The following IL1RAPL1 variants were observed in gnomAD, a reference collection of about 807,000 sequenced individuals.
IL1RAPL1 encodes the protein interleukin-1 receptor accessory protein-like 1.
In IL1RAPL1, 3 loss-of-function variants were observed where a neutral mutation model predicts 48.4. The observed-to-expected ratio is 0.06, with a 90% CI of 0.03 to 0.16. The LOEUF (loss-of-function observed/expected upper bound fraction) is 0.16. Among genes scored for constraint, IL1RAPL1 ranks in the 10% least tolerant of loss-of-function variants. IL1RAPL1 has a pLI of 1.00. For missense variants in IL1RAPL1, 349 were observed against 530.6 expected, an observed-to-expected ratio of 0.66 and a Z score of 3.36; for synonymous variants, 185 against 187.7, an observed-to-expected ratio of 0.99 and a Z score of 0.12.
At chrX:29,201,754 C>T (rs59861406) in intron 2 of IL1RAPL1, among the ~76,000 whole-genome samples, 1,272 of 109,073 alleles carry the variant, frequency 0.012, 22 homozygotes, top group African/African-American at 0.04. Context: ...TGCAATGGCA[C>T]GCTCTCGGCT....
intron 1 of IL1RAPL1, among the ~76,000 whole-genome samples, chrX:28,600,595 G>C (rs1392796598): frequency 1.8e-5 from 2 of 110,834 alleles, no homozygotes; most frequent in Non-Finnish European, 3.8e-5. Context: ...AATTGTTTGG[G>C]TTGTACAGGA....
At chrX:29,780,467 C>T (rs1190088019) in intron 6 of IL1RAPL1, among the ~76,000 whole-genome samples, 3 of 111,062 alleles carry the variant, frequency 2.7e-5, no homozygotes, top group Non-Finnish European at 3.8e-5. Flanking sequence ...TTTCATGAGG[C>T]GCAGAATTCA....
chrX:29,546,575 T>C (rs1454340554), intron 5 of IL1RAPL1, among the ~76,000 whole-genome samples: 1 of 111,859 alleles, frequency 8.9e-6, no homozygotes, highest in East Asian at 2.8e-4. Flanking sequence ...TTTCAAAATG[T>C]CTACAGAAGA....
intron 5 of IL1RAPL1, among the ~76,000 whole-genome samples, chrX:29,591,130 T>C (rs958874278): frequency 9.0e-6 from 1 of 111,677 alleles, no homozygotes; most frequent in African/African-American, 3.3e-5. Context: ...GAAGTGTTAG[T>C]ACCATCCTGT....
intron 5 of IL1RAPL1, among the ~76,000 whole-genome samples, chrX:29,645,635 G>C (rs1244483747): frequency 1.8e-5 from 2 of 111,732 alleles, no homozygotes; most frequent in Non-Finnish European, 3.8e-5. Flanking sequence ...ATTGTGGCCA[G>C]CTGACTACAG....
At chrX:29,749,754 T>C (rs752228344) in intron 6 of IL1RAPL1, among the ~76,000 whole-genome samples, 1 of 112,239 alleles carries the variant, frequency 8.9e-6, no homozygotes, top group Non-Finnish European at 1.9e-5. Flanking sequence ...GAAAACATCA[T>C]GTGCTAATAT....
At chrX:29,203,467 A>G (rs1280877025) in intron 2 of IL1RAPL1, among the ~76,000 whole-genome samples, 1 of 110,182 alleles carries the variant, frequency 9.1e-6, no homozygotes, top group Non-Finnish European at 1.9e-5. Flanking sequence ...GGCAGGGCCC[A>G]GTGCCTCATG....
At chrX:29,288,869 T>C (rs1372008199) in intron 3 of IL1RAPL1, among the ~76,000 whole-genome samples, 4 of 112,269 alleles carry the variant, frequency 3.6e-5, no homozygotes, top group African/African-American at 1.3e-4. Flanking sequence ...TGGCGTGAGA[T>C]GGTACCTCAT....
chrX:29,054,740 C>G (rs1465325510), intron 2 of IL1RAPL1, among the ~76,000 whole-genome samples: 2 of 112,253 alleles, frequency 1.8e-5, no homozygotes, highest in Non-Finnish European at 3.8e-5. Context: ...CTGGAGCCAT[C>G]TCAGCCTAGT....
chrX:29,908,075 C>G (rs1932678568), intron 6 of IL1RAPL1, among the ~76,000 whole-genome samples: 1 of 110,658 alleles, frequency 9.0e-6, no homozygotes, highest in Non-Finnish European at 1.9e-5. Context: ...AAATTTATTG[C>G]TACAAATCAT....
In IL1RAPL1 at chrX:29,155,156, C is replaced by T. The variant is rs890198743; in HGVS notation, c.83-127782C>T. 4.5e-5 allele frequency among the ~76,000 whole-genome samples: 5 copies of T among 110,212 alleles called. No homozygotes were observed. The East Asian group carries it at 8.6e-4, about 19-fold the overall frequency. On this transcript the variant is annotated intron_variant, in intron 2 of 10. Transcript: ENST00000378993. Reference sequence around the variant, plus strand: ...CCAAGTAGCTGGGATTACAGGCACACGCCACCACATGCCACCACGCCTGGC... The same window carrying T: ...CCAAGTAGCTGGGATTACAGGCACATGCCACCACATGCCACCACGCCTGGC...
intron 2 of IL1RAPL1, among the ~76,000 whole-genome samples, chrX:29,169,302 T>C (rs1045078629): frequency 9.0e-6 from 1 of 110,583 alleles, no homozygotes; most frequent in Non-Finnish European, 1.9e-5. Flanking sequence ...GTAAATTCTT[T>C]AGGCATTGCC....
intron 5 of IL1RAPL1, among the ~76,000 whole-genome samples, chrX:29,655,106 G>A (rs1198334159): frequency 9.0e-6 from 1 of 111,260 alleles, no homozygotes; most frequent in Non-Finnish European, 1.9e-5. Context: ...TTCTACTTAT[G>A]AGAGCCAATA....
chrX:29,580,403 C>G (rs1334667499), intron 5 of IL1RAPL1, among the ~76,000 whole-genome samples: 1 of 111,650 alleles, frequency 9.0e-6, no homozygotes, highest in Non-Finnish European at 1.9e-5. Context: ...ACATGGATAG[C>G]TAGCTCTACT....
intron 9 of IL1RAPL1, among the ~76,000 whole-genome samples, chrX:29,946,452 GT>G (rs1191229079): frequency 8.9e-6 from 1 of 111,997 alleles, no homozygotes; most frequent in Non-Finnish European, 1.9e-5. Flanking sequence ...ATTCTCTGAG[GT>G]TTTTGGGGAA....
chrX:28,908,766 A>T (rs1923284488), intron 2 of IL1RAPL1, among the ~76,000 whole-genome samples: 1 of 111,920 alleles, frequency 8.9e-6, no homozygotes, highest in East Asian at 2.8e-4. Context: ...TACTTGATCT[A>T]TCAGTTACTG....
At chrX:29,857,320 G>A (rs1931495108) in intron 6 of IL1RAPL1, among the ~76,000 whole-genome samples, 2 of 110,886 alleles carry the variant, frequency 1.8e-5, no homozygotes, top group African/African-American at 6.6e-5. Flanking sequence ...ATTTCAAATA[G>A]TGCAAGAGGA....
At chrX:29,777,914 T>C (rs1166091679) in intron 6 of IL1RAPL1, among the ~76,000 whole-genome samples, 2 of 110,492 alleles carry the variant, frequency 1.8e-5, no homozygotes, top group East Asian at 5.7e-4. Context: ...TTAGAGGGAT[T>C]TTATAAATTA....
At chrX:29,029,489 G>T (rs1422283642) in intron 2 of IL1RAPL1, among the ~76,000 whole-genome samples, 1 of 111,345 alleles carries the variant, frequency 9.0e-6, no homozygotes, top group Non-Finnish European at 1.9e-5. Flanking sequence ...CTACACCCAG[G>T]TGCTATAATC....
Sources: gnomAD v4.1 joint callset for allele counts (sites outside exome capture counted in the v4.1 genomes callset) on GRCh38, gnomAD v4.1.1 for gene constraint, MANE v1.5 for transcripts, NCBI Gene and HGNC (gene_info 2026-07-23, HGNC 2026-07-21) for gene names.